Variants in FBXO4 observed in about 807,000 individuals in gnomAD.
FBXO4 encodes the protein F-box protein 4.
FBXO4 carries 36 observed loss-of-function variants against 43.7 expected under a neutral mutation model. The observed-to-expected ratio is 0.82, with a 90% CI of 0.63 to 1.09. The LOEUF (loss-of-function observed/expected upper bound fraction) is 1.09, where lower values mean the gene tolerates loss of function less well. FBXO4 is among the 50% of genes least tolerant of loss of function. The pLI is 0.00. For synonymous variants in FBXO4, 180 were observed against 165.6 expected, an observed-to-expected ratio of 1.09 and a Z score of -0.67; for missense variants, 435 against 474.1, an observed-to-expected ratio of 0.92 and a Z score of 0.77.
the FBXO4 span, among the ~76,000 whole-genome samples, chr5:41,978,879 AC>A: frequency 1.3e-5 from 2 of 152,176 alleles, no homozygotes; most frequent in Admixed American, 1.3e-4. Context: ...TATTCTTGGA[AC>A]TTGGTGTTGA....
At chr5:42,026,333 T>G in the FBXO4 span, among the ~76,000 whole-genome samples, 1 of 151,864 alleles carries the variant, frequency 6.6e-6, no homozygotes, top group African/African-American at 2.4e-5. Context: ...ATTTTCACAT[T>G]TTTCACTGTT....
At chr5:42,022,290 T>A in the FBXO4 span, among the ~76,000 whole-genome samples, 51 of 152,302 alleles carry the variant, frequency 3.3e-4, no homozygotes, top group African/African-American at 1.2e-3. Context: ...TGCCAATTCA[T>A]ATGCACTGAA....
chr5:41,934,307 A>G lies in FBXO4; in HGVS notation c.897A>G (p.Lys299=), dbSNP rs1467682926. Residue 299 remains lysine, a splice_region_variant and synonymous_variant, in exon 5 of 7, where the codon AAA becomes AAG. Transcript: ENST00000281623. ...FIYVANAEAH[K]RHEWQDEFSH... is the part of the protein sequence containing the mutation. ...ATGTTGCAAATGCTGAAGCTCATAA[A>G]AGTAAGTACTCATATGTACATTTTT... 1.2e-6 allele frequency: 2 copies of G among 1,614,052 alleles called. No individual in the cohort carries two copies. Among genetic ancestry groups the G allele is most frequent in the African/African-American group, 1.3e-5 (1 of 75,052 alleles).
At chr5:42,030,018 A>G in the FBXO4 span, among the ~76,000 whole-genome samples, 1 of 152,130 alleles carries the variant, frequency 6.6e-6, no homozygotes. Flanking sequence ...TATCGTGAAA[A>G]TGGCCATATT....
At position 41,941,599 on chromosome 5, in the gene FBXO4, A is replaced by G. The variant is rs567849015; in HGVS notation, c.*318A>G. 2.6e-5 allele frequency: 5 copies of G among 189,388 alleles called. 1 individual carries two copies. In the South Asian group the frequency reaches 5.4e-4, roughly 21 times the overall value. The allele number at this position is 189,388 out of a possible 1,614,324, so 11.7% of individuals were successfully genotyped here. A position where few individuals can be genotyped will look rare whatever the true frequency, so the allele number is the denominator to read the frequency against. Reference sequence around the variant, plus strand: ...TGTGCCTCTCATTCCCTGAGTTTCTATTCTTTTGGGTATAAAGATTGCCTT... The same window carrying G: ...TGTGCCTCTCATTCCCTGAGTTTCTGTTCTTTTGGGTATAAAGATTGCCTT... On this transcript the variant is annotated 3_prime_UTR_variant, in exon 7 of 7. Coordinates refer to ENST00000281623, the MANE Select transcript of FBXO4 (RefSeq NM_012176.3).
chr5:41,947,992 A>G, the FBXO4 span, among the ~76,000 whole-genome samples: 12 of 152,196 alleles, frequency 7.9e-5, no homozygotes, highest in Admixed American at 3.9e-4. Flanking sequence ...GCAATAAAAA[A>G]GTTCTGTAGC....
Position 41,941,427 on chromosome 5 carries a change from A to T in FBXO4, c.*146A>T. ...CAGCTATAACTGCTGTGTTTTTTAT[A>T]TTATTTTTACTCTTTACCATAAATC... On this transcript the variant is annotated 3_prime_UTR_variant, in exon 7 of 7. Coordinates refer to ENST00000281623, the MANE Select transcript of FBXO4 (RefSeq NM_012176.3). The T allele has an allele frequency of 1.9e-6, 1 of 516,042 alleles. No homozygotes were observed. The highest frequency in any genetic ancestry group is 3.5e-6 in the Non-Finnish European group (1 of 289,088). 32.0% of individuals were successfully genotyped at this position (516,042 alleles called of 1,614,324 possible).
chr5:41,931,294 T>C (rs1010417838), intron 3 of FBXO4, among the ~76,000 whole-genome samples: 1 of 152,226 alleles, frequency 6.6e-6, no homozygotes, highest in Non-Finnish European at 1.5e-5. Flanking sequence ...AGTAAGGATA[T>C]AAAATTGACA....
At chr5:42,021,613 C>A in the FBXO4 span, among the ~76,000 whole-genome samples, 1 of 152,078 alleles carries the variant, frequency 6.6e-6, no homozygotes, top group Non-Finnish European at 1.5e-5. Context: ...AACCTAACAG[C>A]CATTTTTCCA....
chr5:41,949,528 A>G, the FBXO4 span, among the ~76,000 whole-genome samples: 1 of 152,234 alleles, frequency 6.6e-6, no homozygotes, highest in Non-Finnish European at 1.5e-5. Flanking sequence ...GACCTCTTCA[A>G]GGAGAACTAC....
At chr5:42,023,365 C>A in the FBXO4 span, among the ~76,000 whole-genome samples, 1 of 151,964 alleles carries the variant, frequency 6.6e-6, no homozygotes, top group African/African-American at 2.4e-5. Flanking sequence ...TTGGGGAATG[C>A]ACCTCCTTCA....
intron 5 of FBXO4, among the ~76,000 whole-genome samples, chr5:41,936,874 T>C (rs1751864024): frequency 6.6e-6 from 1 of 152,042 alleles, no homozygotes; most frequent in Admixed American, 6.6e-5. Flanking sequence ...ATAGTAAATA[T>C]TGTAGGCTTA....
At chr5:42,019,297 TA>T in the FBXO4 span, among the ~76,000 whole-genome samples, 7 of 152,300 alleles carry the variant, frequency 4.6e-5, no homozygotes, top group East Asian at 1.2e-3. Context: ...TAATAATTTT[TA>T]TATAGATTAC....
the FBXO4 span, among the ~76,000 whole-genome samples, chr5:41,975,499 G>C: frequency 2.6e-5 from 4 of 152,126 alleles, no homozygotes; most frequent in African/African-American, 9.7e-5. Flanking sequence ...TGAGAGACTG[G>C]TTAACTATAT....
the FBXO4 span, among the ~76,000 whole-genome samples, chr5:41,975,567 A>C: frequency 6.6e-6 from 1 of 152,316 alleles, no homozygotes; most frequent in Middle Eastern, 3.4e-3. Context: ...GGAGAAAATA[A>C]GGCTCTGAAG....
chr5:41,976,473 T>C, the FBXO4 span, among the ~76,000 whole-genome samples: 2 of 152,186 alleles, frequency 1.3e-5, no homozygotes, highest in African/African-American at 4.8e-5. Flanking sequence ...AACATTTCCA[T>C]TCCAAAAGGG....
At chr5:42,027,955 G>A in the FBXO4 span, among the ~76,000 whole-genome samples, 1 of 151,834 alleles carries the variant, frequency 6.6e-6, no homozygotes, top group Admixed American at 6.6e-5. Flanking sequence ...CTAACATATG[G>A]TCTATCATTG....
chr5:42,030,353 G>T, the FBXO4 span, among the ~76,000 whole-genome samples: 4 of 152,006 alleles, frequency 2.6e-5, no homozygotes, highest in Non-Finnish European at 2.9e-5. Flanking sequence ...ACAAGAAATG[G>T]GGAAACGATT....
At chr5:41,996,220 T>C in the FBXO4 span, among the ~76,000 whole-genome samples, 7 of 152,184 alleles carry the variant, frequency 4.6e-5, no homozygotes, top group African/African-American at 1.7e-4. Context: ...TTCCATTTGA[T>C]GATGGAATGC....
Sources: gnomAD v4.1 joint callset for allele counts (sites outside exome capture counted in the v4.1 genomes callset) on GRCh38, gnomAD v4.1.1 for gene constraint, MANE v1.5 for transcripts, NCBI Gene and HGNC (gene_info 2026-07-23, HGNC 2026-07-21) for gene names.